Variants in FIRRM observed in about 807,000 individuals in gnomAD.
FIRRM encodes the protein FIGNL1-interacting regulator of recombination and mitosis.
At chr1:169,854,057 G>C in the FIRRM span, 2 of 574,100 alleles carry the variant, frequency 3.5e-6, no homozygotes, top group Non-Finnish European at 6.0e-6. Context: ...CAAATAAAAA[G>C]GTTACAATAG....
At chr1:169,827,946 A>G in the FIRRM span, 3 of 1,185,918 alleles carry the variant, frequency 2.5e-6, no homozygotes, top group Non-Finnish European at 3.6e-6. Flanking sequence ...TAAATCAGAT[A>G]TTTATGTTAA....
chr1:169,836,973 C>T, the FIRRM span: 4 of 1,612,494 alleles, frequency 2.5e-6, no homozygotes, highest in Admixed American at 5.0e-5. Context: ...GAAAATCTGC[C>T]TCTGTGGCAA....
chr1:169,790,685 A>G, the FIRRM span, among the ~76,000 whole-genome samples: 1 of 152,186 alleles, frequency 6.6e-6, no homozygotes, highest in Admixed American at 6.5e-5. Context: ...TGGAGAATTG[A>G]GAGATACCTA....
At chr1:169,840,511 C>CTTTTTTT in the FIRRM span, among the ~76,000 whole-genome samples, 12 of 141,578 alleles carry the variant, frequency 8.5e-5, no homozygotes, top group East Asian at 2.0e-4. Context: ...TTTCTTTTTT[C>CTTTTTTT]TTTTTTTTTT....
the FIRRM span, among the ~76,000 whole-genome samples, chr1:169,839,163 C>CTT: frequency 6.6e-6 from 1 of 152,090 alleles, no homozygotes; most frequent in South Asian, 2.1e-4. Flanking sequence ...ACCACATTTT[C>CTT]TTTAATCTGT....
chr1:169,852,064 G>C, the FIRRM span: 65 of 1,310,094 alleles, frequency 5.0e-5, no homozygotes, highest in South Asian at 4.8e-4. Flanking sequence ...ATCTAGACAT[G>C]TAAAATTCTG....
the FIRRM span, among the ~76,000 whole-genome samples, chr1:169,838,616 A>G: frequency 1.3e-5 from 2 of 152,068 alleles, no homozygotes; most frequent in African/African-American, 4.8e-5. Flanking sequence ...CAGCCTCCAG[A>G]GCAGCTGGGA....
chr1:169,845,965 A>G, the FIRRM span, among the ~76,000 whole-genome samples: 2 of 152,208 alleles, frequency 1.3e-5, no homozygotes, highest in East Asian at 3.8e-4. Context: ...CAGAGGAATC[A>G]CTATCCATGG....
the FIRRM span, among the ~76,000 whole-genome samples, chr1:169,816,446 T>C: frequency 1.8e-4 from 27 of 152,344 alleles, no homozygotes; most frequent in African/African-American, 5.5e-4. Flanking sequence ...CATAATTTTT[T>C]TCTCTCTCCA....
the FIRRM span, among the ~76,000 whole-genome samples, chr1:169,789,148 T>G: frequency 0.25 from 38,009 of 151,990 alleles, 4,975 homozygotes; most frequent in Middle Eastern, 0.29. Flanking sequence ...ATCCTTATTA[T>G]CAACAATCAC....
At chr1:169,822,796 G>A in the FIRRM span, among the ~76,000 whole-genome samples, 420 of 152,062 alleles carry the variant, frequency 2.8e-3, 3 homozygotes, top group African/African-American at 9.8e-3. Flanking sequence ...CACTGTGCCC[G>A]GTCGACAACT....
chr1:169,802,009 T>C, the FIRRM span, among the ~76,000 whole-genome samples: 1 of 152,236 alleles, frequency 6.6e-6, no homozygotes, highest in Non-Finnish European at 1.5e-5. Context: ...TTAGCTACAT[T>C]GTATTGTTGA....
chr1:169,811,451 T>C, the FIRRM span, among the ~76,000 whole-genome samples: 1 of 152,078 alleles, frequency 6.6e-6, no homozygotes, highest in African/African-American at 2.4e-5. Context: ...CCCAGGAGTT[T>C]GAGACCAGAC....
At chr1:169,852,678 T>C in the FIRRM span, 1 of 1,125,976 alleles carries the variant, frequency 8.9e-7, no homozygotes, top group Non-Finnish European at 1.3e-6. Context: ...CCTCCTACCC[T>C]TGTGATCCAA....
At chr1:169,843,774 G>C in the FIRRM span, 18 of 1,543,664 alleles carry the variant, frequency 1.2e-5, no homozygotes, top group Non-Finnish European at 1.6e-5. Context: ...CTTCAGGTAA[G>C]AATAATGACC....
At chr1:169,822,985 C>T in the FIRRM span, among the ~76,000 whole-genome samples, 1 of 151,840 alleles carries the variant, frequency 6.6e-6, no homozygotes, top group Non-Finnish European at 1.5e-5. Context: ...GGTGTGGTGG[C>T]TCATGCCTGT....
the FIRRM span, among the ~76,000 whole-genome samples, chr1:169,809,465 T>C: frequency 6.6e-6 from 1 of 152,174 alleles, no homozygotes; most frequent in Admixed American, 6.5e-5. Context: ...CACCACAGAG[T>C]TTGCAGCTAG....
At chr1:169,794,977 GAA>G in the FIRRM span, 1 of 736,502 alleles carries the variant, frequency 1.4e-6, no homozygotes, top group Non-Finnish European at 2.2e-6. Flanking sequence ...GGCTCACCAA[GAA>G]ACCAGCCGCC....
the FIRRM span, chr1:169,843,804 T>C: frequency 1.5e-6 from 2 of 1,366,476 alleles, no homozygotes; most frequent in Non-Finnish European, 2.1e-6. Flanking sequence ...CTTTGTTTGC[T>C]AAGGAGGTTG....
Sources: gnomAD v4.1 joint callset for allele counts (sites outside exome capture counted in the v4.1 genomes callset) on GRCh38, gnomAD v4.1.1 for gene constraint, MANE v1.5 for transcripts, NCBI Gene and HGNC (gene_info 2026-07-23, HGNC 2026-07-21) for gene names.